Variants in CAMTA1 observed in about 807,000 individuals in gnomAD.
CAMTA1 encodes the protein calmodulin binding transcription activator 1.
Under a neutral mutation model 170.9 loss-of-function variants are expected in CAMTA1, and 27 were observed. That is an observed-to-expected ratio of 0.16 (90% CI 0.12 to 0.22). The LOEUF is 0.22. Among genes scored for constraint, CAMTA1 ranks in the 10% least tolerant of loss-of-function variants. The pLI is 1.00. For synonymous variants in CAMTA1, 833 were observed against 891.5 expected (o/e 0.93, Z 1.17); for missense variants, 1,619 against 2,217.2 (o/e 0.73, Z 5.42).
intron 6 of CAMTA1, among the ~76,000 whole-genome samples, chr1:7,509,261 C>T (rs886587044): frequency 1.3e-5 from 2 of 152,228 alleles, no homozygotes; most frequent in African/African-American, 4.8e-5. Context: ...AGCCTGGGCG[C>T]CTTTTCTCTC....
At chr1:7,030,739 G>A (rs540624713) in intron 3 of CAMTA1, among the ~76,000 whole-genome samples, 1 of 152,188 alleles carries the variant, frequency 6.6e-6, no homozygotes, top group South Asian at 2.1e-4. Flanking sequence ...CATTCTGTGT[G>A]CATGTGAAAA....
chr1:7,030,480 C>T (rs1702629951), intron 3 of CAMTA1, among the ~76,000 whole-genome samples: 1 of 152,160 alleles, frequency 6.6e-6, no homozygotes, highest in Admixed American at 6.5e-5. Context: ...TTGTCAAGTT[C>T]ACAATGGTGA....
chr1:6,923,566 C>T (rs1682469268), intron 3 of CAMTA1, among the ~76,000 whole-genome samples: 1 of 152,174 alleles, frequency 6.6e-6, no homozygotes, highest in Admixed American at 6.5e-5. Context: ...CTGGCTTATT[C>T]AAGGTCCACA....
At chr1:7,068,125 T>G (rs958788023) in intron 3 of CAMTA1, among the ~76,000 whole-genome samples, 3 of 152,110 alleles carry the variant, frequency 2.0e-5, no homozygotes, top group Admixed American at 2.0e-4. Context: ...TTAAGGTAAT[T>G]TAGGTTGGAT....
intron 11 of CAMTA1, among the ~76,000 whole-genome samples, chr1:7,684,671 T>C (rs888682069): frequency 6.6e-6 from 1 of 152,232 alleles, no homozygotes. Context: ...CCCCATCCGG[T>C]GTGAACCCGT....
At chr1:7,667,384 G>A (rs2096010819) in intron 9 of CAMTA1, among the ~76,000 whole-genome samples, 1 of 152,132 alleles carries the variant, frequency 6.6e-6, no homozygotes, top group Non-Finnish European at 1.5e-5. Context: ...GCTGTCTTCT[G>A]GTCCTGGCTC....
At chr1:7,011,603 C>T (rs1313475044) in intron 3 of CAMTA1, among the ~76,000 whole-genome samples, 4 of 152,192 alleles carry the variant, frequency 2.6e-5, no homozygotes, top group South Asian at 4.1e-4. Context: ...CCAGAGCATC[C>T]GTGTCAAAAA....
At chr1:7,624,593 C>T (rs764529860) in intron 6 of CAMTA1, among the ~76,000 whole-genome samples, 2 of 152,154 alleles carry the variant, frequency 1.3e-5, no homozygotes, top group African/African-American at 2.4e-5. Flanking sequence ...TGCTGGCCAC[C>T]GACTGGCACA....
chr1:7,751,615 T>C (rs2096897942), intron 20 of CAMTA1, among the ~76,000 whole-genome samples: 1 of 152,110 alleles, frequency 6.6e-6, no homozygotes, highest in Non-Finnish European at 1.5e-5. Context: ...CCAATTATTT[T>C]GATATTGCCA....
intron 5 of CAMTA1, among the ~76,000 whole-genome samples, chr1:7,432,095 A>G (rs1250427810): frequency 1.3e-5 from 2 of 152,210 alleles, no homozygotes; most frequent in African/African-American, 2.4e-5. Context: ...CAACGCTGAC[A>G]AAGTGGACTA....
At position 7,626,247 on chromosome 1, in the gene CAMTA1, C is replaced by T. The variant is rs138115101; in HGVS notation, c.511-14153C>T. Among the ~76,000 whole-genome samples, 509 of 152,304 alleles carry T rather than the reference C, an allele frequency of 3.3e-3. 4 individuals are homozygous for T. The highest frequency in any genetic ancestry group is 0.011 in the African/African-American group (452 of 41,556). Reference sequence around the variant, plus strand: ...AAAATCCTGTAGATGCTTGATGGACCGGGCACAATTCATCCTCTGCTGCCT... The same window carrying T: ...AAAATCCTGTAGATGCTTGATGGACTGGGCACAATTCATCCTCTGCTGCCT... On this transcript the variant is annotated intron_variant, in intron 6 of 22. Transcript: ENST00000303635.
intron 3 of CAMTA1, among the ~76,000 whole-genome samples, chr1:6,985,708 G>C (rs1031704248): frequency 2.0e-5 from 3 of 152,206 alleles, no homozygotes; most frequent in Non-Finnish European, 2.9e-5. Flanking sequence ...AGGCAATTAC[G>C]TCTATTATTA....
chr1:7,318,687 G>T (rs1014092184), intron 5 of CAMTA1, among the ~76,000 whole-genome samples: 1 of 152,210 alleles, frequency 6.6e-6, no homozygotes. Context: ...GACATAAAAT[G>T]TTGCAGAGGG....
At chr1:7,709,874 G>T (rs537312262) in intron 11 of CAMTA1, among the ~76,000 whole-genome samples, 6 of 152,196 alleles carry the variant, frequency 3.9e-5, no homozygotes, top group South Asian at 2.1e-4. Flanking sequence ...CATAGTAAGC[G>T]TAAGTATTGA....
rs539417569 is a variant in CAMTA1 at position 6,981,808 on chromosome 1, C to T, written c.235-109496C>T. ...GCAGTGGTGCAATCACAGCTTGCTG[C>T]AGTGCTGACTCCTGGGCTCAAGTGA... On this transcript the variant is annotated intron_variant, in intron 3 of 22. Coordinates refer to ENST00000303635, the MANE Select transcript of CAMTA1 (RefSeq NM_015215.4). Among the ~76,000 whole-genome samples, 7 of 151,302 alleles carry T rather than the reference C, an allele frequency of 4.6e-5. No individual in the cohort carries two copies. In the East Asian group the frequency reaches 1.4e-3, roughly 30 times the overall value.
intron 3 of CAMTA1, among the ~76,000 whole-genome samples, chr1:6,976,547 C>T (rs997463987): frequency 1.3e-4 from 20 of 152,222 alleles, no homozygotes; most frequent in African/African-American, 2.6e-4. Flanking sequence ...AGCAGATCCA[C>T]GTGAAAGCCA....
At chr1:7,386,069 A>G (rs1239472136) in intron 5 of CAMTA1, among the ~76,000 whole-genome samples, 1 of 152,134 alleles carries the variant, frequency 6.6e-6, no homozygotes, top group Non-Finnish European at 1.5e-5. Flanking sequence ...TGGCCCCCCA[A>G]AGGAAGTCTG....
chr1:6,811,523 T>C (rs1645162648), intron 1 of CAMTA1, among the ~76,000 whole-genome samples: 1 of 152,220 alleles, frequency 6.6e-6, no homozygotes, highest in African/African-American at 2.4e-5. Flanking sequence ...CCGTTGCCTG[T>C]CACTCTTTTG....
At chr1:7,145,856 G>A (rs1437698365) in intron 4 of CAMTA1, among the ~76,000 whole-genome samples, 1 of 152,162 alleles carries the variant, frequency 6.6e-6, no homozygotes, top group Non-Finnish European at 1.5e-5. Flanking sequence ...GTGGGCTGAG[G>A]GGATCTTGGG....
Sources: gnomAD v4.1 joint callset for allele counts (sites outside exome capture counted in the v4.1 genomes callset) on GRCh38, gnomAD v4.1.1 for gene constraint, MANE v1.5 for transcripts, NCBI Gene and HGNC (gene_info 2026-07-23, HGNC 2026-07-21) for gene names.